Variants in ADCY2 observed in about 807,000 individuals in gnomAD.
ADCY2 encodes the protein adenylate cyclase type 2.
ADCY2 carries 31 observed loss-of-function variants against 125.2 expected under a neutral mutation model. The observed-to-expected ratio is 0.25, with a 90% CI of 0.19 to 0.33. The LOEUF is 0.33. Ranked by LOEUF, ADCY2 falls within the 10% of genes least tolerant of loss-of-function variation. The pLI, the probability that ADCY2 is intolerant of heterozygous loss-of-function variation, is 1.00. For synonymous variants in ADCY2, 512 were observed against 548.4 expected (o/e 0.93, Z 0.93); for missense variants, 904 against 1,418.2 (o/e 0.64, Z 5.82).
At chr5:7,436,820 G>A (rs1236942683) in intron 2 of ADCY2, among the ~76,000 whole-genome samples, 1 of 152,236 alleles carries the variant, frequency 6.6e-6, no homozygotes, top group Non-Finnish European at 1.5e-5. Flanking sequence ...TGTGATGGGA[G>A]TGGGTCTGAT....
intron 3 of ADCY2, among the ~76,000 whole-genome samples, chr5:7,570,192 A>C (rs1736026159): frequency 6.6e-6 from 1 of 152,066 alleles, no homozygotes; most frequent in African/African-American, 2.4e-5. Flanking sequence ...ACAAATTCTG[A>C]CAGTCACATA....
At chr5:7,668,376 A>T (rs1227470916) in intron 4 of ADCY2, among the ~76,000 whole-genome samples, 1 of 152,204 alleles carries the variant, frequency 6.6e-6, no homozygotes, top group Non-Finnish European at 1.5e-5. Context: ...GTGGAATCTT[A>T]ACTTGCCAGC....
intron 12 of ADCY2, among the ~76,000 whole-genome samples, chr5:7,722,597 GA>G (rs1270317799): frequency 1.3e-5 from 2 of 151,824 alleles, no homozygotes; most frequent in Non-Finnish European, 2.9e-5. Flanking sequence ...ACAGTAATAA[GA>G]AATACCAAAA....
At chr5:7,555,499 A>T (rs1735479525) in intron 3 of ADCY2, among the ~76,000 whole-genome samples, 1 of 152,216 alleles carries the variant, frequency 6.6e-6, no homozygotes, top group Admixed American at 6.5e-5. Context: ...TCTAGATAGA[A>T]CACAAGTTTT....
At chr5:7,666,337 C>G (rs1178949504) in intron 4 of ADCY2, among the ~76,000 whole-genome samples, 1 of 151,920 alleles carries the variant, frequency 6.6e-6, no homozygotes. Flanking sequence ...GGCGCGATCT[C>G]GGCTCACTGC....
chr5:7,713,649 G>T (rs1321085195), intron 11 of ADCY2, among the ~76,000 whole-genome samples: 5 of 152,166 alleles, frequency 3.3e-5, no homozygotes, highest in African/African-American at 1.2e-4. Context: ...CACACGCCCT[G>T]TCGCAGCCAC....
intron 2 of ADCY2, among the ~76,000 whole-genome samples, chr5:7,420,405 C>G (rs973849870): frequency 1.3e-5 from 2 of 152,094 alleles, no homozygotes; most frequent in Admixed American, 6.5e-5. Flanking sequence ...TAGGCAACAA[C>G]AAGGGTGGGG....
intron 3 of ADCY2, among the ~76,000 whole-genome samples, chr5:7,584,293 C>T (rs544303677): frequency 5.3e-5 from 8 of 151,774 alleles, no homozygotes; most frequent in Middle Eastern, 3.4e-3. Flanking sequence ...AATATCATTT[C>T]GGAAAAAAAT....
intron 3 of ADCY2, among the ~76,000 whole-genome samples, chr5:7,523,837 G>C (rs993599129): frequency 6.6e-6 from 1 of 152,234 alleles, no homozygotes; most frequent in African/African-American, 2.4e-5. Context: ...TATGAAGAAA[G>C]AGGTTGCCCG....
chr5:7,512,808 C>T (rs1224222932), intron 2 of ADCY2, among the ~76,000 whole-genome samples: 1 of 151,918 alleles, frequency 6.6e-6, no homozygotes, highest in African/African-American at 2.4e-5. Context: ...CTGGGGAAGC[C>T]AGAGTCATTG....
intron 2 of ADCY2, among the ~76,000 whole-genome samples, chr5:7,517,824 T>C (rs1744304568): frequency 6.6e-6 from 1 of 152,166 alleles, no homozygotes; most frequent in Non-Finnish European, 1.5e-5. Flanking sequence ...AATTTTAAAG[T>C]TATCCAAAAT....
intron 12 of ADCY2, among the ~76,000 whole-genome samples, chr5:7,719,870 G>T (rs996740579): frequency 6.6e-6 from 1 of 152,136 alleles, no homozygotes; most frequent in African/African-American, 2.4e-5. Context: ...TAAGAAAGTG[G>T]TCTTCTCATT....
At chr5:7,641,706 C>CT (rs1738717978) in intron 4 of ADCY2, among the ~76,000 whole-genome samples, 1 of 152,140 alleles carries the variant, frequency 6.6e-6, no homozygotes, top group Admixed American at 6.5e-5. Flanking sequence ...GTCCCAGTGT[C>CT]TATCGTCCCA....
intron 12 of ADCY2, among the ~76,000 whole-genome samples, chr5:7,723,640 G>A (rs537762524): frequency 1.6e-4 from 25 of 152,078 alleles, no homozygotes; most frequent in South Asian, 6.2e-4. Flanking sequence ...TTAAAAACTC[G>A]GGACAGGCGC....
chr5:7,567,589 G>C (rs1735941648), intron 3 of ADCY2, among the ~76,000 whole-genome samples: 1 of 152,086 alleles, frequency 6.6e-6, no homozygotes, highest in African/African-American at 2.4e-5. Context: ...TGAAGTAATG[G>C]ACTGGGTGTG....
At chr5:7,500,241 T>A (rs1743512641) in intron 2 of ADCY2, among the ~76,000 whole-genome samples, 1 of 152,166 alleles carries the variant, frequency 6.6e-6, no homozygotes, top group Non-Finnish European at 1.5e-5. Flanking sequence ...AAACAAGTGA[T>A]TAAATAGATA....
chr5:7,635,107 A>G (rs1051323668), intron 4 of ADCY2, among the ~76,000 whole-genome samples: 2 of 152,130 alleles, frequency 1.3e-5, no homozygotes, highest in African/African-American at 4.8e-5. Flanking sequence ...GCGGGGAGAG[A>G]GGCAGGAGCC....
At chr5:7,596,200 A>T (rs1164656039) in intron 3 of ADCY2, among the ~76,000 whole-genome samples, 1 of 152,102 alleles carries the variant, frequency 6.6e-6, no homozygotes, top group Non-Finnish European at 1.5e-5. Context: ...TCAAATGGAT[A>T]ACTAGACACA....
chr5:7,810,273 G>C (rs1744893418), intron 22 of ADCY2, among the ~76,000 whole-genome samples: 1 of 152,038 alleles, frequency 6.6e-6, no homozygotes, highest in South Asian at 2.1e-4. Flanking sequence ...TACCTGATTG[G>C]TGGGTTATCT....
Sources: gnomAD v4.1 joint callset for allele counts (sites outside exome capture counted in the v4.1 genomes callset) on GRCh38, gnomAD v4.1.1 for gene constraint, MANE v1.5 for transcripts, NCBI Gene and HGNC (gene_info 2026-07-23, HGNC 2026-07-21) for gene names.